TECPR2: variants seen among roughly 807,000 people sequenced by gnomAD.
TECPR2 encodes the protein tectonin beta-propeller repeat containing 2, also known as tectonin beta-propeller repeat-containing protein 2.
TECPR2 carries 65 observed loss-of-function variants against 138.1 expected under a neutral mutation model. The observed-to-expected ratio is 0.47, with a 90% CI of 0.39 to 0.58. The LOEUF is 0.58. Ranked by LOEUF, TECPR2 falls within the 20% of genes least tolerant of loss-of-function variation. The probability of loss-of-function intolerance (pLI) is 0.00; values close to 1 mark genes in which losing one functional copy is unlikely to be tolerated. For synonymous variants in TECPR2, 746 were observed against 749.8 expected, an observed-to-expected ratio of 0.99 and a Z score of 0.08; for missense variants, 1,553 against 1,824.5, an observed-to-expected ratio of 0.85 and a Z score of 2.71.
chr14:102,411,698 T>TAAA (rs1219515960), intron 4 of TECPR2, among the ~76,000 whole-genome samples: 3 of 9,688 alleles, frequency 3.1e-4, no homozygotes, highest in Non-Finnish European at 5.7e-4. Context: ...GCCATGTTGC[T>TAAA]CAAAAAAAAA....
rs536282089 is a variant in TECPR2, at chr14:102,469,694, G to A, written c.3789+4405G>A. Among the ~76,000 whole-genome samples, 4 of 152,194 alleles carry A rather than the reference G, an allele frequency of 2.6e-5. No homozygotes were observed. The East Asian group carries it at 7.7e-4, about 29-fold the overall frequency. On this transcript the variant is annotated intron_variant, in intron 17 of 19. Transcript: ENST00000359520. The stretch of plus-strand genomic sequence containing the variant: ...TCTTTTACCATTAAATATGATGTGA[G>A]CTTTGTGTTTTCTTAGGCTCCCTTT...
chr14:102,494,139 G>T (rs575315907), intron 17 of TECPR2, among the ~76,000 whole-genome samples: 16 of 152,316 alleles, frequency 1.1e-4, no homozygotes, highest in Non-Finnish European at 2.4e-4. Flanking sequence ...CAGAGCCTGT[G>T]CCTGTAACTT....
intron 1 of TECPR2, among the ~76,000 whole-genome samples, chr14:102,366,179 G>A (rs1221519086): frequency 1.3e-5 from 2 of 152,094 alleles, no homozygotes; most frequent in African/African-American, 2.4e-5. Context: ...TGGCAGTTGG[G>A]TGTTAGTAGT....
chr14:102,449,135 G>A (rs79477186), intron 13 of TECPR2, among the ~76,000 whole-genome samples: 6,364 of 152,166 alleles, frequency 0.042, 157 homozygotes, highest in Middle Eastern at 0.092. Context: ...AGTAGCATTC[G>A]CCTGTATTTG....
intron 17 of TECPR2, among the ~76,000 whole-genome samples, chr14:102,466,318 G>C (rs968131021): frequency 6.6e-6 from 1 of 152,190 alleles, no homozygotes; most frequent in Admixed American, 6.5e-5. Context: ...TCCAGAGGGT[G>C]ATGGGGATGA....
chr14:102,479,882 T>C (rs1267459531), intron 17 of TECPR2, among the ~76,000 whole-genome samples: 1 of 152,222 alleles, frequency 6.6e-6, no homozygotes, highest in East Asian at 1.9e-4. Flanking sequence ...AGATGGCATG[T>C]GGCCATTTCC....
intron 6 of TECPR2, among the ~76,000 whole-genome samples, chr14:102,426,609 G>A (rs1361625928): frequency 2.0e-5 from 3 of 152,136 alleles, no homozygotes; most frequent in Non-Finnish European, 4.4e-5. Flanking sequence ...CAGCACTTTG[G>A]GCACTTTGGA....
chr14:102,461,894 C>A (rs7148341), intron 16 of TECPR2, among the ~76,000 whole-genome samples: 4,524 of 152,298 alleles, frequency 0.03, 223 homozygotes, highest in African/African-American at 0.098. Flanking sequence ...CCACTTCTTC[C>A]ATGGAACAGG....
chr14:102,436,021 C>A (rs949285262), intron 9 of TECPR2, among the ~76,000 whole-genome samples: 12 of 152,220 alleles, frequency 7.9e-5, no homozygotes, highest in African/African-American at 2.4e-4. Flanking sequence ...AGCAGTGTGA[C>A]GCTTTGTCAG....
chr14:102,432,385 G>A (rs1252512292), intron 8 of TECPR2, among the ~76,000 whole-genome samples: 1 of 151,974 alleles, frequency 6.6e-6, no homozygotes, highest in Non-Finnish European at 1.5e-5. Flanking sequence ...AAGGGTCTCA[G>A]TTTTGTACTT....
chr14:102,481,805 ACT>A (rs1595146552), intron 17 of TECPR2, among the ~76,000 whole-genome samples: 1 of 151,150 alleles, frequency 6.6e-6, no homozygotes, highest in East Asian at 2.0e-4. Flanking sequence ...TTTCTGGTTG[ACT>A]CTCTGCGGGA....
chr14:102,457,844 C>G (rs970449974), intron 16 of TECPR2, among the ~76,000 whole-genome samples: 41 of 149,520 alleles, frequency 2.7e-4, no homozygotes, highest in African/African-American at 7.4e-4. Context: ...TTCCTAACTT[C>G]GCTCCTCTGC....
At chr14:102,480,517 C>G (rs1285915257) in intron 17 of TECPR2, among the ~76,000 whole-genome samples, 1 of 151,974 alleles carries the variant, frequency 6.6e-6, no homozygotes, top group African/African-American at 2.4e-5. Context: ...AGCCACCATG[C>G]CCGGCCTATT....
At chr14:102,474,225 A>G (rs1340452273) in intron 17 of TECPR2, among the ~76,000 whole-genome samples, 1 of 151,780 alleles carries the variant, frequency 6.6e-6, no homozygotes, top group Non-Finnish European at 1.5e-5. Context: ...CCATGTTTGT[A>G]CCACTGCACT....
At chr14:102,384,661 A>G (rs1887941128) in intron 2 of TECPR2, among the ~76,000 whole-genome samples, 1 of 143,322 alleles carries the variant, frequency 7.0e-6, no homozygotes. Context: ...TGGGTGATGG[A>G]GCAAGACACC....
At chr14:102,385,497 CAG>C (rs1209052455) in intron 2 of TECPR2, among the ~76,000 whole-genome samples, 1 of 152,050 alleles carries the variant, frequency 6.6e-6, no homozygotes, top group Non-Finnish European at 1.5e-5. Context: ...CAGGCTCTAC[CAG>C]AGTTTGGTGG....
chr14:102,440,504 G>A lies in TECPR2; in HGVS notation c.2647G>A (p.Gly883Arg), dbSNP rs1283157151. Residue 883 changes from glycine (G) to arginine (R), a missense_variant, in exon 11 of 20, where the codon GGG becomes AGG. Coordinates refer to ENST00000359520, the MANE Select transcript of TECPR2 (RefSeq NM_014844.5). ...AFACGKVTIK[G>R]KRHWYEALPQ... The stretch of plus-strand genomic sequence containing the variant: ...TGCTTGTGGGAAAGTCACCATCAAG[G>A]GGAAGCGGCACTGGTACGAAGCCCT... 1 of 1,614,102 alleles carries A rather than the reference G, an allele frequency of 6.2e-7. No individual in the cohort carries two copies. The highest frequency in any genetic ancestry group is 8.5e-7 in the Non-Finnish European group (1 of 1,180,054).
At chr14:102,409,402 C>T (rs551693781) in intron 4 of TECPR2, among the ~76,000 whole-genome samples, 6 of 151,534 alleles carry the variant, frequency 4.0e-5, no homozygotes, top group South Asian at 2.1e-4. Flanking sequence ...CGGGTTCAAG[C>T]GATTCTGCCA....
chr14:102,412,586 T>A (rs1413411284), intron 4 of TECPR2, among the ~76,000 whole-genome samples: 2 of 152,224 alleles, frequency 1.3e-5, no homozygotes, highest in Non-Finnish European at 2.9e-5. Flanking sequence ...ACAAATACCA[T>A]TACTTGTTTT....
Sources: allele counts gnomAD v4.1 joint callset (sites outside exome capture counted in the v4.1 genomes callset), GRCh38; gene constraint gnomAD v4.1.1; transcripts MANE v1.5; gene names NCBI Gene and HGNC (gene_info 2026-07-23, HGNC 2026-07-21).